Variants in FTCDNL1 observed in about 807,000 individuals in gnomAD.
The protein encoded by FTCDNL1 is formiminotransferase N-terminal subdomain-containing protein.
Under a neutral mutation model 5.9 loss-of-function variants are expected in FTCDNL1, and 11 were observed. The observed-to-expected ratio is 1.87, with a 90% confidence interval of 1.18 to 3.10. The LOEUF is 3.10. Among genes scored for constraint, FTCDNL1 ranks in the 30% most tolerant of loss-of-function variants. The pLI, the probability that FTCDNL1 is intolerant of heterozygous loss-of-function variation, is 0.00. For missense variants in FTCDNL1, 115 were observed against 65.5 expected (o/e 1.76, Z -2.61); for synonymous variants, 58 against 24.8 (o/e 2.34, Z -3.99).
the FTCDNL1 span, among the ~76,000 whole-genome samples, chr2:199,716,598 C>A: frequency 0.033 from 4,947 of 152,138 alleles, 260 homozygotes; most frequent in African/African-American, 0.11. Context: ...CCCACTCCCC[C>A]ACAAAACAAT....
At chr2:199,714,516 G>A in the FTCDNL1 span, among the ~76,000 whole-genome samples, 1 of 152,190 alleles carries the variant, frequency 6.6e-6, no homozygotes, top group Non-Finnish European at 1.5e-5. Context: ...CAGCAGAGGA[G>A]AGATGAAGGC....
chr2:199,842,988 G>C (rs2076632281), intron 3 of FTCDNL1, among the ~76,000 whole-genome samples: 1 of 150,684 alleles, frequency 6.6e-6, no homozygotes, highest in Non-Finnish European at 1.5e-5. Flanking sequence ...TAGATGAACA[G>C]CTGTGTAGAA....
intron 3 of FTCDNL1, among the ~76,000 whole-genome samples, chr2:199,768,483 C>A (rs1166300986): frequency 6.6e-6 from 1 of 152,204 alleles, no homozygotes; most frequent in Non-Finnish European, 1.5e-5. Flanking sequence ...AAAGGATCTA[C>A]AACCCCACTT....
At chr2:199,766,643 C>G (rs937869071) in intron 3 of FTCDNL1, among the ~76,000 whole-genome samples, 2 of 152,052 alleles carry the variant, frequency 1.3e-5, no homozygotes, top group African/African-American at 4.8e-5. Flanking sequence ...AAGTATTTTC[C>G]AAAGACAGAT....
At chr2:199,742,308 C>A in the FTCDNL1 span, among the ~76,000 whole-genome samples, 6 of 152,124 alleles carry the variant, frequency 3.9e-5, no homozygotes, top group African/African-American at 1.2e-4. Flanking sequence ...GTGGGTACCT[C>A]CCTCCATTTA....
chr2:199,837,397 G>A (rs1428160009), intron 3 of FTCDNL1, among the ~76,000 whole-genome samples: 1 of 152,172 alleles, frequency 6.6e-6, no homozygotes, highest in African/African-American at 2.4e-5. Context: ...GGCAATGAGG[G>A]TAGTGTTGAT....
intron 3 of FTCDNL1, among the ~76,000 whole-genome samples, chr2:199,764,140 C>G (rs1396242228): frequency 1.3e-5 from 2 of 152,202 alleles, no homozygotes; most frequent in Non-Finnish European, 2.9e-5. Context: ...CTGCACCTGG[C>G]CTGGAATATT....
Position 199,784,053 on chromosome 2 carries a change from G to C in FTCDNL1, c.212-23218C>G, listed in dbSNP as rs770815451. On this transcript the variant is annotated intron_variant, in intron 3 of 3. Coordinates refer to the FTCDNL1 transcript ENST00000416668. ...AACCTCAGGGTAGCCAACCTCTTAGGGTTGAAAATTTAATCTTCCTTCATG... is the reference window on the plus strand; with the variant it reads ...AACCTCAGGGTAGCCAACCTCTTAGCGTTGAAAATTTAATCTTCCTTCATG... 3.3e-5 allele frequency among the ~76,000 whole-genome samples: 5 copies of C among 152,116 alleles called. No homozygotes were observed. In the South Asian group the frequency reaches 6.2e-4, roughly 19 times the overall value.
chr2:199,686,769 T>C, the FTCDNL1 span, among the ~76,000 whole-genome samples: 1 of 152,206 alleles, frequency 6.6e-6, no homozygotes, highest in African/African-American at 2.4e-5. Context: ...TAGATGGTTA[T>C]TACATAGATA....
intron 3 of FTCDNL1, among the ~76,000 whole-genome samples, chr2:199,825,632 C>G (rs931912709): frequency 2.6e-5 from 4 of 152,138 alleles, no homozygotes; most frequent in African/African-American, 9.7e-5. Flanking sequence ...GTTTAAGGAG[C>G]CAGCATCTCT....
At chr2:199,671,167 CAA>C in the FTCDNL1 span, among the ~76,000 whole-genome samples, 346 of 136,044 alleles carry the variant, frequency 2.5e-3, no homozygotes, top group Non-Finnish European at 2.7e-3. Flanking sequence ...AAATCCATGG[CAA>C]AAAAAAAAAA....
intron 3 of FTCDNL1, among the ~76,000 whole-genome samples, chr2:199,789,456 T>C (rs1699816350): frequency 6.6e-6 from 1 of 152,112 alleles, no homozygotes; most frequent in Non-Finnish European, 1.5e-5. Context: ...TTAAAAATAA[T>C]AGTAATAGAA....
At chr2:199,842,112 A>T (rs551617169) in intron 3 of FTCDNL1, among the ~76,000 whole-genome samples, 67 of 151,922 alleles carry the variant, frequency 4.4e-4, no homozygotes, top group African/African-American at 1.5e-3. Context: ...TACAAAAAAA[A>T]AAACAATTAG....
At chr2:199,776,927 T>TGCAC (rs1699108847) in intron 3 of FTCDNL1, among the ~76,000 whole-genome samples, 1 of 147,456 alleles carries the variant, frequency 6.8e-6, no homozygotes, top group African/African-American at 2.5e-5. Flanking sequence ...TATATATATA[T>TGCAC]ACACACACAC....
At chr2:199,825,985 G>C (rs1240011235) in intron 3 of FTCDNL1, among the ~76,000 whole-genome samples, 1 of 141,366 alleles carries the variant, frequency 7.1e-6, no homozygotes, top group East Asian at 1.9e-4. Flanking sequence ...ATGTGCTCCA[G>C]CCATAACTTA....
At chr2:199,716,858 A>G in the FTCDNL1 span, among the ~76,000 whole-genome samples, 1 of 152,162 alleles carries the variant, frequency 6.6e-6, no homozygotes, top group Admixed American at 6.5e-5. Flanking sequence ...AAAAGATACA[A>G]GTTAGTAGCT....
At chr2:199,841,335 C>T (rs943161223) in intron 3 of FTCDNL1, among the ~76,000 whole-genome samples, 3 of 151,454 alleles carry the variant, frequency 2.0e-5, no homozygotes, top group African/African-American at 7.3e-5. Flanking sequence ...TGCAGTGAGC[C>T]GAGATCGTGC....
intron 3 of FTCDNL1, among the ~76,000 whole-genome samples, chr2:199,802,937 A>C (rs1418395844): frequency 6.6e-6 from 1 of 152,128 alleles, no homozygotes; most frequent in East Asian, 1.9e-4. Flanking sequence ...TAAAAGACAG[A>C]GTTTGGGAGG....
chr2:199,782,702 G>A (rs1472316324), intron 3 of FTCDNL1, among the ~76,000 whole-genome samples: 2 of 152,210 alleles, frequency 1.3e-5, no homozygotes, highest in Admixed American at 6.5e-5. Context: ...AGGGGGCCAT[G>A]TTAAAACAGC....
Sources: gnomAD v4.1 joint callset for allele counts (sites outside exome capture counted in the v4.1 genomes callset) on GRCh38, gnomAD v4.1.1 for gene constraint, MANE v1.5 for transcripts, NCBI Gene and HGNC (gene_info 2026-07-23, HGNC 2026-07-21) for gene names.